The following COLGALT2 variants were observed in gnomAD, a reference collection of about 807,000 sequenced individuals.
COLGALT2 encodes procollagen galactosyltransferase 2.
A neutral mutation model predicts 73.4 loss-of-function variants in COLGALT2; 49 were observed. The observed-to-expected ratio is 0.67, with a 90% confidence interval of 0.53 to 0.85. The LOEUF is 0.85. Ranked by LOEUF, COLGALT2 falls within the 40% of genes least tolerant of loss-of-function variation. COLGALT2 has a pLI of 0.00. For missense variants in COLGALT2, 722 were observed against 790.2 expected (o/e 0.91, Z 1.03); for synonymous variants, 295 against 307.6 (o/e 0.96, Z 0.43).
In COLGALT2 at chr1:183,943,845, C is replaced by T. The variant is rs1035186031; in HGVS notation, c.1397+351G>A. Among the ~76,000 whole-genome samples the T allele has an allele frequency of 1.1e-4, 16 of 152,292 alleles. No homozygotes were observed. The South Asian group carries it at 3.3e-3, about 32-fold the overall frequency. On this transcript the variant is annotated intron_variant, in intron 10 of 11. Transcript: ENST00000361927. The stretch of plus-strand genomic sequence containing the variant: ...GAGCTTGAATAAATGGCCTCTTCTC[C>T]AGCTTCACACCCACTCCATGTGCCA...
chr1:183,944,642 A>G (rs1388249082), intron 9 of COLGALT2, among the ~76,000 whole-genome samples: 1 of 151,982 alleles, frequency 6.6e-6, no homozygotes, highest in Non-Finnish European at 1.5e-5. Flanking sequence ...AGAAGTCAGG[A>G]TGGTGACTGC....
Position 183,940,704 on chromosome 1 carries a change from G to C in COLGALT2, c.1481C>G (p.Ser494Cys). The change falls in exon 11 of 12, where the codon TCC becomes TGC. Residue 494 changes from serine (S) to cysteine (C), a missense_variant. Ser to Cys is a moderately radical substitution (Grantham distance 112). Coordinates refer to ENST00000361927, the MANE Select transcript of COLGALT2 (RefSeq NM_015101.4). ...NVANLVEADY[S>C]YWTLGYVISL... ...GATGACGTAGCCCAGGGTCCAGTAG[G>C]AATAGTCGGCTTCGACCAGGTTTGC... The C allele has an allele frequency of 5.6e-6, 9 of 1,614,248 alleles. No homozygotes were observed. Among genetic ancestry groups the C allele is most frequent in the Non-Finnish European group, 7.6e-6 (9 of 1,180,050 alleles).
At chr1:183,987,177 GAGACA>G (rs1217475691) in intron 1 of COLGALT2, among the ~76,000 whole-genome samples, 1 of 152,206 alleles carries the variant, frequency 6.6e-6, no homozygotes, top group Non-Finnish European at 1.5e-5. Context: ...GGGAGTGTCT[GAGACA>G]AGACAAATAT....
At chr1:184,000,763 C>T (rs996189088) in intron 1 of COLGALT2, among the ~76,000 whole-genome samples, 4 of 151,268 alleles carry the variant, frequency 2.6e-5, no homozygotes, top group Non-Finnish European at 5.9e-5. Flanking sequence ...ATTGACTCTC[C>T]TTATTGAAAG....
chr1:184,025,238 A>T (rs1223182976), intron 1 of COLGALT2, among the ~76,000 whole-genome samples: 2 of 152,250 alleles, frequency 1.3e-5, no homozygotes, highest in Non-Finnish European at 2.9e-5. Flanking sequence ...GATGCCTAAG[A>T]AATGAGGATC....
At chr1:184,014,348 G>A (rs897937476) in intron 1 of COLGALT2, among the ~76,000 whole-genome samples, 1 of 152,136 alleles carries the variant, frequency 6.6e-6, no homozygotes, top group Non-Finnish European at 1.5e-5. Context: ...AAAGGAAACT[G>A]GTCCACATGA....
rs770350632 is a variant in COLGALT2 at position 183,945,502 on chromosome 1, G to C, written c.1199C>G (p.Pro400Arg). 6.2e-7 allele frequency: 1 copy of C among 1,614,056 alleles called. No homozygotes were observed. The highest frequency in any genetic ancestry group is 8.5e-7 in the Non-Finnish European group (1 of 1,180,040). Residue 400 changes from proline (P) to arginine (R), a missense_variant, in exon 9 of 12, where the codon CCC (proline) becomes CGC (arginine). Transcript: ENST00000361927. ...NIEMLPGYRDPYSSRPLTRGE... is the reference protein window; with the variant it reads ...NIEMLPGYRDRYSSRPLTRGE... Reference sequence around the variant, plus strand: ...CCTTGTTAGAGGCCTGGAGGAATAGGGATCTCGATAGCCAGGCAGCATTTC... The same window carrying C: ...CCTTGTTAGAGGCCTGGAGGAATAGCGATCTCGATAGCCAGGCAGCATTTC...
intron 1 of COLGALT2, among the ~76,000 whole-genome samples, chr1:184,018,152 A>G (rs944169932): frequency 4.6e-5 from 7 of 152,320 alleles, no homozygotes; most frequent in African/African-American, 1.7e-4. Context: ...AACTATATAT[A>G]TTTGAAAACA....
chr1:183,942,005 G>T (rs1670126993), intron 10 of COLGALT2, among the ~76,000 whole-genome samples: 2 of 151,046 alleles, frequency 1.3e-5, no homozygotes, highest in South Asian at 4.2e-4. Context: ...CTGGAGTGCA[G>T]TGGTGCAATC....
intron 6 of COLGALT2, among the ~76,000 whole-genome samples, chr1:183,956,073 C>T (rs1369225544): frequency 2.0e-5 from 3 of 152,168 alleles, no homozygotes; most frequent in Non-Finnish European, 2.9e-5. Flanking sequence ...AGGGCAGCTC[C>T]CAGGAAAGAC....
chr1:183,969,937 A>G (rs1670990428), intron 4 of COLGALT2, among the ~76,000 whole-genome samples: 1 of 152,232 alleles, frequency 6.6e-6, no homozygotes, highest in Non-Finnish European at 1.5e-5. Context: ...TGACGGCACT[A>G]TCTACTCCAT....
At chr1:183,930,071 G>A (rs1275237031) in exon 12 of COLGALT2, 3 of 355,544 alleles carry the variant, frequency 8.4e-6, no homozygotes, top group East Asian at 7.9e-5. Flanking sequence ...AGACCAAAGC[G>A]ACACCTGTCA....
chr1:184,031,103 G>A (rs72733495), intron 1 of COLGALT2, among the ~76,000 whole-genome samples: 15,351 of 152,216 alleles, frequency 0.1, 1,104 homozygotes, highest in Non-Finnish European at 0.16. Context: ...AGGTTGCAGG[G>A]AGGATTGATA....
Position 183,938,063 on chromosome 1 carries a change from G to A in COLGALT2, c.*698C>T, listed in dbSNP as rs977949384. 1 of 985,376 alleles carries A rather than the reference G, an allele frequency of 1.0e-6. No individual in the cohort carries two copies. Among genetic ancestry groups the A allele is most frequent in the Non-Finnish European group, 1.2e-6 (1 of 829,958 alleles). The allele number at this position is 985,376 out of a possible 1,614,324, so 61.0% of individuals were successfully genotyped here. A position where few individuals can be genotyped will look rare whatever the true frequency, so the allele number is the denominator to read the frequency against. On this transcript the variant is annotated 3_prime_UTR_variant, in exon 12 of 12. Transcript: ENST00000361927. Reference sequence around the variant, plus strand: ...TTTCCCTCAAATACCTACACAAACTGTCAAATATCTACTAAATTATATCCA... The same window carrying A: ...TTTCCCTCAAATACCTACACAAACTATCAAATATCTACTAAATTATATCCA...
At chr1:183,952,501 C>T (rs1185032974) in intron 7 of COLGALT2, among the ~76,000 whole-genome samples, 1 of 152,148 alleles carries the variant, frequency 6.6e-6, no homozygotes, top group Non-Finnish European at 1.5e-5. Context: ...GAAACTTTGT[C>T]TTAGAACCAG....
intron 1 of COLGALT2, among the ~76,000 whole-genome samples, chr1:183,982,848 T>G (rs998253750): frequency 6.6e-6 from 1 of 152,230 alleles, no homozygotes; most frequent in Admixed American, 6.5e-5. Context: ...ACTTCTTTCC[T>G]TGGTTGTTGT....
chr1:184,024,622 T>A (rs60210878), intron 1 of COLGALT2, among the ~76,000 whole-genome samples: 6,446 of 151,356 alleles, frequency 0.043, 443 homozygotes, highest in African/African-American at 0.15. Flanking sequence ...AAGTTCTGGG[T>A]TTACAGGCGT....
intron 1 of COLGALT2, among the ~76,000 whole-genome samples, chr1:183,989,565 T>G (rs1465628623): frequency 6.6e-6 from 1 of 152,226 alleles, no homozygotes; most frequent in Non-Finnish European, 1.5e-5. Flanking sequence ...GGGAGAAAGC[T>G]GAAGGAAGTG....
intron 8 of COLGALT2, among the ~76,000 whole-genome samples, chr1:183,950,276 A>G (rs1670360305): frequency 6.6e-6 from 1 of 152,134 alleles, no homozygotes; most frequent in Admixed American, 6.5e-5. Flanking sequence ...ACACTTTGGG[A>G]AACACTGATG....
Sources: gnomAD v4.1 joint callset for allele counts (sites outside exome capture counted in the v4.1 genomes callset) on GRCh38, gnomAD v4.1.1 for gene constraint, MANE v1.5 for transcripts, NCBI Gene and HGNC (gene_info 2026-07-23, HGNC 2026-07-21) for gene names.